The following TRIM66 variants were observed in gnomAD, a reference collection of about 807,000 sequenced individuals.
The protein encoded by TRIM66 is tripartite motif containing 66.
A neutral mutation model predicts 148.2 loss-of-function variants in TRIM66; 99 were observed. The observed-to-expected ratio is 0.67, with a 90% CI of 0.57 to 0.79. The LOEUF (loss-of-function observed/expected upper bound fraction) is 0.79. Ranked by LOEUF, TRIM66 falls within the 30% of genes least tolerant of loss-of-function variation. The pLI, the probability that TRIM66 is intolerant of heterozygous loss-of-function variation, is 0.00. For missense variants in TRIM66, 1,666 were observed against 1,697.9 expected, an observed-to-expected ratio of 0.98 and a Z score of 0.33; for synonymous variants, 616 against 635.9, an observed-to-expected ratio of 0.97 and a Z score of 0.47.
rs533620290 is a variant in TRIM66, at chr11:8,640,734, C to T, written c.1641G>A (p.Leu547=). ...PVEQESTSQR[L]GQQLTSQPVC... is the part of the protein sequence containing the mutation. ...CGGGCTGGGAAGTCAGCTGCTGCCC[C>T]AGCCGCTGGGATGTGCTCTCCTGCT... The change falls in exon 14 of 25, where the codon CTG becomes CTA. Residue 547 remains leucine (L), a synonymous_variant. Coordinates refer to ENST00000646038, the MANE Select transcript of TRIM66 (RefSeq NM_001388022.1). 395 of 1,551,484 alleles carry T rather than the reference C, an allele frequency of 2.5e-4. 2 individuals carry two copies. In the South Asian group the frequency reaches 3.2e-3, roughly 12 times the overall value.
Position 8,622,363 on chromosome 11 carries a change from C to CAT in TRIM66, c.3080+452_3080+453insAT, listed in dbSNP as rs1201366239. 1.8e-4 allele frequency among the ~76,000 whole-genome samples: 10 copies of CAT among 55,398 alleles called. 2 individuals carry two copies. Among genetic ancestry groups the CAT allele is most frequent in the African/African-American group, 2.3e-4 (4 of 17,290 alleles). 36.3% of individuals were successfully genotyped at this position (55,398 alleles called of 152,430 possible). A position where few individuals can be genotyped will look rare whatever the true frequency, so the allele number is the denominator to read the frequency against. Reference sequence around the variant, plus strand: ...CAACACACACACACACACACACACACACATATATATATATATATATCTCCT... The same window carrying CAT: ...CAACACACACACACACACACACACACATACATATATATATATATATATCTCCT... On this transcript the variant is annotated intron_variant, in intron 18 of 24. Transcript: ENST00000646038.
intron 8 of TRIM66, among the ~76,000 whole-genome samples, chr11:8,648,891 T>G (rs1377588588): frequency 6.6e-6 from 1 of 152,242 alleles, no homozygotes; most frequent in East Asian, 1.9e-4. Context: ...CAGGATTCTG[T>G]TTTTAATGGA....
intron 15 of TRIM66, among the ~76,000 whole-genome samples, chr11:8,627,006 T>A (rs1297688461): frequency 6.6e-6 from 1 of 152,226 alleles, no homozygotes; most frequent in Non-Finnish European, 1.5e-5. Flanking sequence ...TCAACTGACA[T>A]TTTTTGCCAG....
In TRIM66 at chr11:8,644,870, TCGTCA is replaced by T. The variant is rs1219352123; in HGVS notation, c.1104+866_1104+870del. On this transcript the variant is annotated intron_variant, in intron 12 of 24. Transcript: ENST00000646038. ...CCTGATTCCCAGATCCAGAGGCTGC[TCGTCA>T]CTATTCATCTTCTTTCACCCATGCA... Among the ~76,000 whole-genome samples the T allele has an allele frequency of 2.6e-5, 4 of 152,212 alleles. No individual in the cohort carries two copies. The East Asian group carries it at 7.7e-4, about 29-fold the overall frequency.
chr11:8,635,086 A>G (rs1157684825), intron 15 of TRIM66, among the ~76,000 whole-genome samples: 1 of 152,232 alleles, frequency 6.6e-6, no homozygotes, highest in Non-Finnish European at 1.5e-5. Flanking sequence ...CCAGCAGGTA[A>G]GAGGCCAAAT....
intron 15 of TRIM66, among the ~76,000 whole-genome samples, chr11:8,626,378 C>CA (rs2141909133): frequency 6.6e-6 from 1 of 152,300 alleles, no homozygotes; most frequent in South Asian, 2.1e-4. Flanking sequence ...ATAAATACTT[C>CA]AAATACATTC....
At chr11:8,667,637 C>T (rs1288434528) in intron 6 of TRIM66, among the ~76,000 whole-genome samples, 1 of 152,206 alleles carries the variant, frequency 6.6e-6, no homozygotes, top group Non-Finnish European at 1.5e-5. Flanking sequence ...CTACTCTGAA[C>T]ATCTCATGTA....
chr11:8,674,813 T>C lies in TRIM66; in HGVS notation c.-119A>G, dbSNP rs1180838378. ...ACGGCTGGACTCCCATACCTGTTTC[T>C]GCAGTCAATCTGTTATATGTTGTTT... On this transcript the variant is annotated 5_prime_UTR_variant, in exon 4 of 25. Coordinates refer to ENST00000646038, the MANE Select transcript of TRIM66 (RefSeq NM_001388022.1). 1 of 152,256 alleles carries C rather than the reference T, an allele frequency of 6.6e-6. No homozygotes were observed. Among genetic ancestry groups the C allele is most frequent in the Non-Finnish European group, 1.5e-5 (1 of 68,034 alleles). 9.4% of individuals were successfully genotyped at this position (152,256 alleles called of 1,614,324 possible). A position where few individuals can be genotyped will look rare whatever the true frequency, so the allele number is the denominator to read the frequency against.
rs2038966040 is a variant in TRIM66 at position 8,672,100 on chromosome 11, T to C, written c.28-2A>G. The C allele has an allele frequency of 6.6e-7, 1 of 1,522,238 alleles. No homozygotes were observed. The highest frequency in any genetic ancestry group is 1.2e-5 in the South Asian group (1 of 83,260). The allele number at this position is 1,522,238 out of a possible 1,614,324, so 94.3% of individuals were successfully genotyped here. A position where few individuals can be genotyped will look rare whatever the true frequency, so the allele number is the denominator to read the frequency against. The stretch of plus-strand genomic sequence containing the variant: ...TGTAGAGCGAGCCAGCTCCACTCCC[T>C]GTAAGTGAAGCACAAAGCAGAGTGA... On this transcript the variant is annotated splice_acceptor_variant, in intron 5 of 24. Transcript: ENST00000646038. LOFTEE classifies it high-confidence loss of function.
chr11:8,675,766 G>A (rs2039149514), intron 3 of TRIM66, among the ~76,000 whole-genome samples: 1 of 151,156 alleles, frequency 6.6e-6, no homozygotes, highest in Non-Finnish European at 1.5e-5. Context: ...TTTTGAGAGA[G>A]TCTCGCTCTG....
At chr11:8,673,000 C>T (rs1394360316) in intron 4 of TRIM66, among the ~76,000 whole-genome samples, 3 of 145,626 alleles carry the variant, frequency 2.1e-5, no homozygotes, top group Non-Finnish European at 3.0e-5. Context: ...AGTGCAGTGG[C>T]GCGATCTCTG....
At chr11:8,619,930 A>G (rs2034042416) in intron 22 of TRIM66, 120 bp downstream of exon 22, 1 of 1,005,998 alleles carries the variant, frequency 9.9e-7, no homozygotes, top group East Asian at 2.6e-5. Context: ...CAGGCACAAA[A>G]TTCAATAACT....
chr11:8,643,194 C>T (rs1303270934), intron 12 of TRIM66, 68 bp from the exon 13 acceptor site: 1 of 1,352,224 alleles, frequency 7.4e-7, no homozygotes, highest in Non-Finnish European at 1.0e-6. Flanking sequence ...CCTTCCCTTA[C>T]TCTTTGGACA....
At chr11:8,659,151 G>A (rs556184811) in intron 6 of TRIM66, among the ~76,000 whole-genome samples, 10 of 152,196 alleles carry the variant, frequency 6.6e-5, no homozygotes, top group African/African-American at 9.6e-5. Context: ...AACCAGATGA[G>A]GGGGAGTGGC....
At chr11:8,630,266 C>T (rs1423163594) in intron 15 of TRIM66, among the ~76,000 whole-genome samples, 1 of 152,084 alleles carries the variant, frequency 6.6e-6, no homozygotes, top group African/African-American at 2.4e-5. Context: ...ACACTTGGTG[C>T]CACCCATGCA....
chr11:8,677,925 C>G (rs1399885683), intron 3 of TRIM66, among the ~76,000 whole-genome samples: 1 of 152,154 alleles, frequency 6.6e-6, no homozygotes, highest in East Asian at 1.9e-4. Context: ...ATTATTTTTA[C>G]TTTGTGCTGA....
At chr11:8,678,299 A>T (rs2039272036) in intron 3 of TRIM66, 1 of 152,218 alleles carries the variant, frequency 6.6e-6, no homozygotes, top group Non-Finnish European at 1.5e-5. Context: ...GGCTTAATAA[A>T]AGATAGCACA....
rs1469264057 is a variant in TRIM66, at chr11:8,640,467, A to C, written c.1908T>G (p.Ser636Arg). 2.6e-6 allele frequency: 4 copies of C among 1,537,536 alleles called. No homozygotes were observed. In the East Asian group the frequency reaches 1.0e-4, roughly 39 times the overall value. ...CAGGGCCAGGAGGGCTCTCGTGCTG[A>C]CTAGAAGCCAGATGCTGGGATGGAG... ...PLPPSQHLASSQHESPPGPAC... is the reference protein window; with the variant it reads ...PLPPSQHLASRQHESPPGPAC... The change falls in exon 14 of 25, where the codon AGT (serine) becomes AGG (arginine). Residue 636 changes from serine (S) to arginine (R), a missense_variant. Physicochemically the swap from Ser to Arg is moderately radical, Grantham distance 110. This residue lies in a region of TRIM66 where 1,431 missense variants were observed against 1,412.4 expected (regional missense o/e 1.01). Coordinates refer to ENST00000646038, the MANE Select transcript of TRIM66 (RefSeq NM_001388022.1).
At chr11:8,654,671 C>A (rs986152239) in intron 6 of TRIM66, 11 of 152,180 alleles carry the variant, frequency 7.2e-5, no homozygotes, top group Non-Finnish European at 1.0e-4. Flanking sequence ...CACTTAACAT[C>A]AGTGGTAGGT....
Sources: allele counts gnomAD v4.1 joint callset (sites outside exome capture counted in the v4.1 genomes callset), GRCh38; gene constraint gnomAD v4.1.1; regional missense constraint gnomAD v4.1.1; transcripts MANE v1.5; gene names NCBI Gene and HGNC (gene_info 2026-07-23, HGNC 2026-07-21).